The following SIK2 variants were observed in gnomAD, a reference collection of about 807,000 sequenced individuals.
SIK2 encodes the protein salt inducible kinase 2.
Under a neutral mutation model 103.2 loss-of-function variants are expected in SIK2, and 29 were observed. The ratio of observed to expected loss-of-function variants is 0.28; its 90% CI spans 0.21 to 0.38. The LOEUF (loss-of-function observed/expected upper bound fraction) is 0.38, where lower values mean the gene tolerates loss of function less well. SIK2 is among the 10% of genes least tolerant of loss of function. The pLI is 1.00. For missense variants in SIK2, 879 were observed against 1,171.0 expected (o/e 0.75, Z 3.64); for synonymous variants, 412 against 446.1 (o/e 0.92, Z 0.96).
chr11:111,673,861 G>A (rs1209240097), intron 3 of SIK2, among the ~76,000 whole-genome samples: 2 of 152,026 alleles, frequency 1.3e-5, no homozygotes, highest in Non-Finnish European at 2.9e-5. Context: ...ATCACCTGAG[G>A]TCAGGAGTTC....
chr11:111,667,925 G>A (rs945231822), intron 3 of SIK2, among the ~76,000 whole-genome samples: 3 of 152,106 alleles, frequency 2.0e-5, no homozygotes, highest in Admixed American at 6.6e-5. Context: ...CAATTAATTC[G>A]AGAATGACAT....
At position 111,722,513 on chromosome 11, in the gene SIK2, T is replaced by TC; in HGVS notation, c.2056-151dup. The TC allele has an allele frequency of 1.4e-6, 1 of 708,150 alleles. No individual in the cohort carries two copies. The highest frequency in any genetic ancestry group is 2.3e-6 in the Non-Finnish European group (1 of 434,504). The allele number at this position is 708,150 out of a possible 1,614,324, so 43.9% of individuals were successfully genotyped here. On this transcript the variant is annotated intron_variant, in intron 13 of 14. Transcript: ENST00000304987. This position sits in a 1 kb window ranked among gnomAD's most constrained non-coding sequence, Gnocchi z 4.4. ...CCAGGCCTGCGGGCCCGATGCTCTT[T>TC]CAGGGTCTCAGGGAGTAAATGTCAG...
chr11:111,692,145 G>T, intron 4 of SIK2, among the ~76,000 whole-genome samples: 1 of 151,858 alleles, frequency 6.6e-6, no homozygotes, highest in East Asian at 1.9e-4. Context: ...GAGCTCAGGA[G>T]TTCGAGACCA....
chr11:111,633,996 A>C (rs924060017), intron 3 of SIK2, among the ~76,000 whole-genome samples: 8 of 152,188 alleles, frequency 5.3e-5, no homozygotes, highest in Admixed American at 2.0e-4. Context: ...CCATGTGGTC[A>C]TGTGCAGTAA....
chr11:111,672,386 G>A, intron 3 of SIK2: 1 of 506,960 alleles, frequency 2.0e-6, no homozygotes, highest in Non-Finnish European at 3.1e-6. Context: ...TAGGACTTCT[G>A]GGTCACCCTG....
At chr11:111,667,188 A>T (rs1942556387) in intron 3 of SIK2, among the ~76,000 whole-genome samples, 3 of 152,082 alleles carry the variant, frequency 2.0e-5, no homozygotes, top group East Asian at 3.9e-4. Context: ...TCCTCTGGTG[A>T]TCCACCCATC....
chr11:111,696,698 T>C (rs1199292247), intron 4 of SIK2, among the ~76,000 whole-genome samples: 1 of 152,192 alleles, frequency 6.6e-6, no homozygotes, highest in East Asian at 1.9e-4. Context: ...AGTCAGATGA[T>C]GATGTGGAGT....
chr11:111,656,788 C>T (rs1942397598), intron 3 of SIK2, among the ~76,000 whole-genome samples: 1 of 152,192 alleles, frequency 6.6e-6, no homozygotes, highest in Admixed American at 6.5e-5. Context: ...GCCCAATTCT[C>T]ATTTAATTTT....
intron 3 of SIK2, among the ~76,000 whole-genome samples, chr11:111,643,932 G>C (rs1307821010): frequency 6.6e-6 from 1 of 152,068 alleles, no homozygotes; most frequent in Non-Finnish European, 1.5e-5. Flanking sequence ...ACAGTGAGCT[G>C]TGATTGTGCC....
At chr11:111,622,247 C>CTTT (rs71057079) in intron 3 of SIK2, among the ~76,000 whole-genome samples, 2 of 61,454 alleles carry the variant, frequency 3.3e-5, no homozygotes, top group African/African-American at 7.2e-5. Flanking sequence ...ATTTTCTTTT[C>CTTT]TTTTTTTTTT....
At position 111,701,137 on chromosome 11, in the gene SIK2, C is replaced by G; in HGVS notation, c.603+127C>G. ...TTTCATATTTTCCCCATCCACTGGA[C>G]TATAATTACTCAGAGCATCTTGAAA... On this transcript the variant is annotated intron_variant, in intron 5 of 14. Coordinates refer to ENST00000304987, the MANE Select transcript of SIK2 (RefSeq NM_015191.3). The surrounding 1 kb of genome is among the most constrained non-coding windows in gnomAD (Gnocchi z 4.2). 1.6e-6 allele frequency: 2 copies of G among 1,250,122 alleles called. No individual in the cohort carries two copies. The highest frequency in any genetic ancestry group is 2.2e-6 in the Non-Finnish European group (2 of 923,330). The allele number at this position is 1,250,122 out of a possible 1,614,324, so 77.4% of individuals were successfully genotyped here.
chr11:111,720,077 C>A, intron 10 of SIK2, 74 bp downstream of exon 10: 1 of 1,430,884 alleles, frequency 7.0e-7, no homozygotes, highest in South Asian at 1.2e-5. Context: ...CAAGTGGTCA[C>A]GATGCCAGCC....
rs1801086644 is a variant in SIK2, at chr11:111,616,363, T to C, written c.252+4T>C. ...TCACATAATCAAACTTTATCAGGTA[T>C]GACTCAGCCTAACACTATCTCCATT... On this transcript the variant is annotated splice_donor_region_variant and intron_variant, in intron 2 of 14. Transcript: ENST00000304987. 1 of 1,499,644 alleles carries C rather than the reference T, an allele frequency of 6.7e-7. No individual in the cohort carries two copies. Among genetic ancestry groups the C allele is most frequent in the Admixed American group, 1.7e-5 (1 of 59,810 alleles). The allele number at this position is 1,499,644 out of a possible 1,614,324, so 92.9% of individuals were successfully genotyped here. A position where few individuals can be genotyped will look rare whatever the true frequency, so the allele number is the denominator to read the frequency against.
At position 111,722,629 on chromosome 11, in the gene SIK2, C is replaced by T. The variant is rs367891877; in HGVS notation, c.2056-36C>T. 3 of 1,586,352 alleles carry T rather than the reference C, an allele frequency of 1.9e-6. No individual in the cohort carries two copies. Among genetic ancestry groups the T allele is most frequent in the Non-Finnish European group, 2.6e-6 (3 of 1,157,926 alleles). On this transcript the variant is annotated intron_variant, in intron 13 of 14. Transcript: ENST00000304987. The surrounding 1 kb of genome is among the most constrained non-coding windows in gnomAD (Gnocchi z 4.4). ...GATGACTGCATCCTAGGTGACAGCA[C>T]ATTGTCACGCTCATGTTGTTTTTCT...
intron 3 of SIK2, among the ~76,000 whole-genome samples, chr11:111,636,194 G>A (rs1359363708): frequency 1.3e-5 from 2 of 152,162 alleles, no homozygotes; most frequent in African/African-American, 4.8e-5. Flanking sequence ...CACATAGGGA[G>A]GATCTTTTCT....
chr11:111,680,046 C>T (rs890726654), intron 3 of SIK2, among the ~76,000 whole-genome samples: 4 of 150,654 alleles, frequency 2.7e-5, no homozygotes, highest in African/African-American at 7.3e-5. Flanking sequence ...CATTTGAACC[C>T]GGGAGGCGGA....
chr11:111,609,476 C>T (rs1941691715), intron 1 of SIK2, among the ~76,000 whole-genome samples: 1 of 152,068 alleles, frequency 6.6e-6, no homozygotes, highest in Non-Finnish European at 1.5e-5. Flanking sequence ...TGCACACCAC[C>T]ATGCCTGGCT....
intron 2 of SIK2, among the ~76,000 whole-genome samples, chr11:111,618,672 TA>T (rs1466709048): frequency 6.6e-6 from 1 of 152,174 alleles, no homozygotes; most frequent in African/African-American, 2.4e-5. Flanking sequence ...ATCCCATCTC[TA>T]AAAATAAATA....
intron 6 of SIK2, among the ~76,000 whole-genome samples, chr11:111,702,647 C>T (rs1344407201): frequency 6.6e-6 from 1 of 152,084 alleles, no homozygotes; most frequent in African/African-American, 2.4e-5. Flanking sequence ...AGGAGGTTAC[C>T]TTATGTGTGA....
Sources: allele counts gnomAD v4.1 joint callset (sites outside exome capture counted in the v4.1 genomes callset), GRCh38; gene constraint gnomAD v4.1.1; non-coding constraint Gnocchi (gnomAD v3.1); transcripts MANE v1.5; gene names NCBI Gene and HGNC (gene_info 2026-07-23, HGNC 2026-07-21).